TJP1: variants seen among roughly 807,000 people sequenced by gnomAD.
TJP1 encodes tight junction protein ZO-1.
In TJP1, 43 loss-of-function variants were observed where a neutral mutation model predicts 194.2. The observed-to-expected ratio is 0.22, with a 90% CI of 0.17 to 0.29. The LOEUF (loss-of-function observed/expected upper bound fraction) is 0.29. Ranked by LOEUF, TJP1 falls within the 10% of genes least tolerant of loss-of-function variation. The pLI, the probability that TJP1 is intolerant of heterozygous loss-of-function variation, is 1.00. For missense variants in TJP1, 1,971 were observed against 2,185.7 expected (o/e 0.90, Z 1.96); for synonymous variants, 801 against 779.0 (o/e 1.03, Z -0.47).
In TJP1 at chr15:29,719,033, G is replaced by A. The variant is rs752729423; in HGVS notation, c.3109C>T (p.Leu1037=). 2.5e-5 allele frequency: 41 copies of A among 1,614,062 alleles called. No homozygotes were observed. Among genetic ancestry groups the A allele is most frequent in the Middle Eastern group, 1.6e-4 (1 of 6,084 alleles). Residue 1037 remains leucine (L), a synonymous_variant, in exon 21 of 28, where the codon CTG becomes TTG. Coordinates refer to ENST00000614355, the MANE Select transcript of TJP1 (RefSeq NM_001330239.4). ...PGHRPDKEPN[L]TYEPQLPYVE... ...TATGGGAGTTGGGGTTCATAGGTCAGATTAGGCTCTTTGTCTGGCCTGTGC... is the reference window on the plus strand; with the variant it reads ...TATGGGAGTTGGGGTTCATAGGTCAAATTAGGCTCTTTGTCTGGCCTGTGC...
At chr15:29,916,240 CAAAAAA>C (rs199907379) in intron 2 of TJP1, among the ~76,000 whole-genome samples, 179 of 96,588 alleles carry the variant, frequency 1.9e-3, no homozygotes, top group African/African-American at 5.5e-3. Flanking sequence ...GACTCTGTCT[CAAAAAA>C]AAAAAAAAAA....
chr15:29,918,376 T>C (rs2054251971), intron 2 of TJP1, among the ~76,000 whole-genome samples: 1 of 152,186 alleles, frequency 6.6e-6, no homozygotes. Context: ...GAGGACTTTT[T>C]AGGAAAACTT....
In TJP1 at chr15:29,887,881, G is replaced by C. The variant is rs187131950; in HGVS notation, c.306+68351C>G. Reference sequence around the variant, plus strand: ...TAAGCTAAGACAAGCTTTGGGGAAGGCAATTTGGCAATACATGTAACTGGA... The same window carrying C: ...TAAGCTAAGACAAGCTTTGGGGAAGCCAATTTGGCAATACATGTAACTGGA... On this transcript the variant is annotated intron_variant, in intron 2 of 28. Coordinates refer to the TJP1 transcript ENST00000356107. 5.2e-4 allele frequency among the ~76,000 whole-genome samples: 79 copies of C among 152,246 alleles called. No homozygotes were observed. In the East Asian group the frequency reaches 0.012, roughly 23 times the overall value.
At chr15:29,808,097 G>A (rs1346972603) in intron 1 of TJP1, among the ~76,000 whole-genome samples, 7 of 151,936 alleles carry the variant, frequency 4.6e-5, no homozygotes, top group East Asian at 3.9e-4. Flanking sequence ...GTGAAACCCC[G>A]TCTCTACTAA....
At position 29,766,305 on chromosome 15, in the gene TJP1, G is replaced by A; in HGVS notation, c.550C>T (p.Pro184Ser). The change falls in exon 5 of 28, where the codon CCT (proline) becomes TCT (serine). Residue 184 changes from proline (P) to serine (S), a missense_variant. Physicochemically the swap from Pro to Ser is moderately conservative, Grantham distance 74. Around this residue, in one of 5 missense-constraint regions of TJP1, gnomAD observed 245 missense variants for 336.6 expected, o/e 0.73. Coordinates refer to ENST00000614355, the MANE Select transcript of TJP1 (RefSeq NM_001330239.4). ...GATTTCACCAGTGTGACTTTAGTAG[G>A]TTTAGCAGGCTGGCTGGAAGCCACT... Reference protein sequence around the residue: ...RSVASSQPAKPTKVTLVKSRK... With the variant: ...RSVASSQPAKSTKVTLVKSRK... 6.2e-7 allele frequency: 1 copy of A among 1,614,160 alleles called. No homozygotes were observed. Among genetic ancestry groups the A allele is most frequent in the Non-Finnish European group, 8.5e-7 (1 of 1,180,026 alleles).
intron 2 of TJP1, among the ~76,000 whole-genome samples, chr15:29,864,197 G>A (rs1026403391): frequency 3.8e-5 from 5 of 133,088 alleles, no homozygotes; most frequent in African/African-American, 1.4e-4. Flanking sequence ...TTTGAGACCA[G>A]TCTGGCCAAC....
chr15:29,807,461 A>C (rs1226420922), intron 1 of TJP1, among the ~76,000 whole-genome samples: 1 of 152,226 alleles, frequency 6.6e-6, no homozygotes, highest in Admixed American at 6.5e-5. Context: ...TTGAAGATAG[A>C]TACAAAGATC....
chr15:29,778,143 T>C lies in TJP1; in HGVS notation c.85-4786A>G, dbSNP rs2047134484. Reference sequence around the variant, plus strand: ...AGCAAGTAAATGCAGTTCCGGCACCTAGTAGGGCAGGTAATCCTGCTACAT... The same window carrying C: ...AGCAAGTAAATGCAGTTCCGGCACCCAGTAGGGCAGGTAATCCTGCTACAT... On this transcript the variant is annotated intron_variant, in intron 2 of 27. Coordinates refer to ENST00000614355, the MANE Select transcript of TJP1 (RefSeq NM_001330239.4). 3.3e-5 allele frequency among the ~76,000 whole-genome samples: 5 copies of C among 152,190 alleles called. No homozygotes were observed. The South Asian group carries it at 1.0e-3, about 32-fold the overall frequency.
At chr15:29,738,909 G>T (rs987680112) in intron 10 of TJP1, among the ~76,000 whole-genome samples, 1 of 149,422 alleles carries the variant, frequency 6.7e-6, no homozygotes, top group Non-Finnish European at 1.5e-5. Flanking sequence ...TGGGTTTCGT[G>T]GCTCGTTGCC....
chr15:29,813,973 A>G (rs561645291), intron 1 of TJP1, among the ~76,000 whole-genome samples: 6 of 152,352 alleles, frequency 3.9e-5, no homozygotes, highest in South Asian at 4.1e-4. Flanking sequence ...CAGCTAGTAT[A>G]GTGTTCATTT....
chr15:29,950,027 ACCTTC>A, intron 2 of TJP1, among the ~76,000 whole-genome samples: 1 of 67,146 alleles, frequency 1.5e-5, no homozygotes, highest in Non-Finnish European at 2.8e-5. Context: ...CTCCACCTCC[ACCTTC>A]ACCACCACCT....
intron 2 of TJP1, among the ~76,000 whole-genome samples, chr15:29,880,490 A>C (rs1468038978): frequency 6.6e-6 from 1 of 152,182 alleles, no homozygotes; most frequent in Admixed American, 6.5e-5. Context: ...TTTCAAGTAC[A>C]CAATACCATA....
At position 29,718,354 on chromosome 15, in the gene TJP1, G is replaced by T; in HGVS notation, c.3788C>A (p.Ser1263Tyr). 1 of 1,614,132 alleles carries T rather than the reference G, an allele frequency of 6.2e-7. No homozygotes were observed. Among genetic ancestry groups the T allele is most frequent in the Non-Finnish European group, 8.5e-7 (1 of 1,180,024 alleles). The change falls in exon 21 of 28, where the codon TCT becomes TAT. Residue 1263 changes from serine (S) to tyrosine (Y), a missense_variant. Physicochemically the swap from Ser to Tyr is moderately radical, Grantham distance 144. This residue lies in a region of TJP1 where 1,108 missense variants were observed against 1,128.5 expected (regional missense o/e 0.98). Coordinates refer to ENST00000614355, the MANE Select transcript of TJP1 (RefSeq NM_001330239.4). ...EEEDPAMKPQ[S>Y]VLTRVKMFEN... Reference sequence around the variant, plus strand: ...AAACATCTTAACTCTGGTGAGTACAGACTGTGGCTTCATTGCTGGATCTTC... The same window carrying T: ...AAACATCTTAACTCTGGTGAGTACATACTGTGGCTTCATTGCTGGATCTTC...
At chr15:29,915,988 C>T (rs1434500076) in intron 2 of TJP1, among the ~76,000 whole-genome samples, 1 of 152,034 alleles carries the variant, frequency 6.6e-6, no homozygotes. Flanking sequence ...TTAAAATCCA[C>T]GTTATAAAAA....
At chr15:29,907,909 C>CCATT (rs2053870817) in intron 2 of TJP1, among the ~76,000 whole-genome samples, 1 of 151,758 alleles carries the variant, frequency 6.6e-6, no homozygotes, top group Non-Finnish European at 1.5e-5. Flanking sequence ...ACAAGTTCTT[C>CCATT]CATTCCTCTT....
intron 2 of TJP1, among the ~76,000 whole-genome samples, chr15:29,880,522 T>A (rs557288827): frequency 1.3e-5 from 2 of 152,208 alleles, no homozygotes; most frequent in Non-Finnish European, 2.9e-5. Flanking sequence ...AGACACTACA[T>A]TGTTCAGCAG....
intron 20 of TJP1, 53 bp downstream of exon 20, chr15:29,719,724 T>C (rs746509310): frequency 3.2e-6 from 5 of 1,574,736 alleles, no homozygotes; most frequent in African/African-American, 1.4e-5. Context: ...AAAATGATCA[T>C]GTGCCAGATT....
intron 1 of TJP1, chr15:29,968,592 C>A (rs2056414073): frequency 2.5e-5 from 23 of 906,280 alleles, no homozygotes; most frequent in Admixed American, 6.3e-5. Context: ...GGCCGCCGCT[C>A]GCTCTCCCAC....
intron 22 of TJP1, 34 bp downstream of exon 22, chr15:29,717,987 G>C (rs754880898): frequency 2.6e-6 from 4 of 1,567,388 alleles, no homozygotes; most frequent in African/African-American, 1.4e-5. Context: ...TTCCTGGTCA[G>C]TTCTATGCCA....
Sources: gnomAD v4.1 joint callset for allele counts (sites outside exome capture counted in the v4.1 genomes callset) on GRCh38, gnomAD v4.1.1 for gene constraint, gnomAD v4.1.1 regional missense constraint, MANE v1.5 for transcripts, NCBI Gene and HGNC (gene_info 2026-07-23, HGNC 2026-07-21) for gene names.